Variants in SRPK2 observed in about 807,000 individuals in gnomAD.
SRPK2 encodes SRSF protein kinase 2, also known as SFRS protein kinase 2.
In SRPK2, 21 loss-of-function variants were observed where a neutral mutation model predicts 90.8. That is an observed-to-expected ratio of 0.23 (90% CI 0.16 to 0.33). The LOEUF is 0.33. SRPK2 is among the 10% of genes least tolerant of loss of function. The pLI is 1.00. For synonymous variants in SRPK2, 288 were observed against 311.1 expected, an observed-to-expected ratio of 0.93 and a Z score of 0.78; for missense variants, 620 against 869.0, an observed-to-expected ratio of 0.71 and a Z score of 3.60.
At chr7:105,327,489 G>A (rs1397009231) in intron 2 of SRPK2, among the ~76,000 whole-genome samples, 2 of 152,168 alleles carry the variant, frequency 1.3e-5, no homozygotes, top group Non-Finnish European at 2.9e-5. Context: ...CCTCTGGCCA[G>A]CATCCTGACC....
intron 2 of SRPK2, among the ~76,000 whole-genome samples, chr7:105,314,891 G>C (rs149178148): frequency 1.1e-4 from 17 of 152,268 alleles, no homozygotes; most frequent in Non-Finnish European, 1.9e-4. Context: ...AGTATATGTA[G>C]GAGAACAGGA....
At chr7:105,289,100 CAA>C (rs57131530) in intron 2 of SRPK2, among the ~76,000 whole-genome samples, 322 of 86,632 alleles carry the variant, frequency 3.7e-3, no homozygotes, top group African/African-American at 0.013. Flanking sequence ...ACTTAAAGCA[CAA>C]AAAAAAAAAA....
chr7:105,149,362 T>C (rs1461592786), intron 7 of SRPK2, among the ~76,000 whole-genome samples: 1 of 152,202 alleles, frequency 6.6e-6, no homozygotes, highest in Admixed American at 6.5e-5. Context: ...TCATAGTACC[T>C]TCCCTTGAAC....
rs116936176 is a variant in SRPK2 at position 105,121,474 on chromosome 7, A to G, written c.1916-3452T>C. Among the ~76,000 whole-genome samples, 459 of 152,288 alleles carry G rather than the reference A, an allele frequency of 3.0e-3. 1 individual carries two copies. The highest frequency in any genetic ancestry group is 0.01 in the Middle Eastern group (3 of 294). Reference sequence around the variant, plus strand: ...CAACTGTGACAATTTTAGTTTCTTAAAGTTCCATTTCTAGCCTGTCCTCCT... The same window carrying G: ...CAACTGTGACAATTTTAGTTTCTTAGAGTTCCATTTCTAGCCTGTCCTCCT... On this transcript the variant is annotated intron_variant, in intron 15 of 15. Coordinates refer to ENST00000393651, the MANE Select transcript of SRPK2 (RefSeq NM_182692.3).
chr7:105,235,874 T>C (rs1416801281), intron 2 of SRPK2, among the ~76,000 whole-genome samples: 2 of 152,218 alleles, frequency 1.3e-5, no homozygotes, highest in African/African-American at 4.8e-5. Flanking sequence ...ATGAGAGATG[T>C]TGCACAGCAC....
At chr7:105,395,295 G>C (rs1187104321) in intron 1 of SRPK2, among the ~76,000 whole-genome samples, 2 of 151,906 alleles carry the variant, frequency 1.3e-5, no homozygotes, top group Non-Finnish European at 1.5e-5. Flanking sequence ...TTCAAGACTA[G>C]CCTGGGGAAC....
At chr7:105,300,197 G>A (rs144927345) in intron 2 of SRPK2, among the ~76,000 whole-genome samples, 84 of 141,544 alleles carry the variant, frequency 5.9e-4, no homozygotes, top group African/African-American at 2.0e-3. Context: ...AGGCTACAGT[G>A]AGCCAAGATC....
intron 2 of SRPK2, among the ~76,000 whole-genome samples, chr7:105,235,527 G>C (rs998026204): frequency 6.6e-6 from 1 of 152,156 alleles, no homozygotes; most frequent in Non-Finnish European, 1.5e-5. Context: ...CAAAGGAAGT[G>C]TTCCCCAAGT....
intron 6 of SRPK2, among the ~76,000 whole-genome samples, chr7:105,161,082 C>T (rs1002507081): frequency 6.6e-6 from 1 of 152,034 alleles, no homozygotes; most frequent in Non-Finnish European, 1.5e-5. Context: ...CCCGCCACCA[C>T]GCTCGGCTAA....
At chr7:105,291,827 GA>G (rs1464535288) in intron 2 of SRPK2, among the ~76,000 whole-genome samples, 1 of 152,096 alleles carries the variant, frequency 6.6e-6, no homozygotes, top group Non-Finnish European at 1.5e-5. Flanking sequence ...TGAATATAAA[GA>G]AAAAATATCT....
chr7:105,343,401 T>C (rs972165151), intron 2 of SRPK2, among the ~76,000 whole-genome samples: 2 of 151,842 alleles, frequency 1.3e-5, no homozygotes, highest in African/African-American at 4.8e-5. Context: ...ACCAATGTAC[T>C]CCAGCCTGGG....
At chr7:105,344,675 T>C (rs929955755) in intron 2 of SRPK2, among the ~76,000 whole-genome samples, 4 of 151,342 alleles carry the variant, frequency 2.6e-5, no homozygotes, top group African/African-American at 7.3e-5. Flanking sequence ...TGCAGACCCC[T>C]GCTCTACACT....
chr7:105,395,877 C>A (rs1822307369), intron 1 of SRPK2, among the ~76,000 whole-genome samples: 1 of 152,184 alleles, frequency 6.6e-6, no homozygotes, highest in South Asian at 2.1e-4. Flanking sequence ...TATCAATTAG[C>A]TTTACACATA....
intron 2 of SRPK2, among the ~76,000 whole-genome samples, chr7:105,300,306 T>C (rs1198482573): frequency 6.7e-6 from 1 of 149,886 alleles, no homozygotes; most frequent in Non-Finnish European, 1.5e-5. Context: ...TAGAACACTA[T>C]GTGCACATAG....
At chr7:105,214,478 T>G (rs1797210411) in intron 2 of SRPK2, among the ~76,000 whole-genome samples, 1 of 152,346 alleles carries the variant, frequency 6.6e-6, no homozygotes, top group South Asian at 2.1e-4. Flanking sequence ...ACACACACTC[T>G]GTGGCAATGT....
intron 2 of SRPK2, among the ~76,000 whole-genome samples, chr7:105,223,110 C>T (rs1798304566): frequency 6.6e-6 from 1 of 152,174 alleles, no homozygotes; most frequent in Admixed American, 6.5e-5. Flanking sequence ...AGCCCAGGGC[C>T]CCAGTCGAGG....
At chr7:105,378,568 T>C (rs1639715196) in intron 2 of SRPK2, among the ~76,000 whole-genome samples, 1 of 151,864 alleles carries the variant, frequency 6.6e-6, no homozygotes, top group Admixed American at 6.6e-5. Flanking sequence ...ATCAAGACCA[T>C]CCTGGCCAAC....
intron 11 of SRPK2, among the ~76,000 whole-genome samples, chr7:105,134,179 T>C (rs1802449512): frequency 1.3e-5 from 2 of 152,198 alleles, no homozygotes; most frequent in African/African-American, 4.8e-5. Context: ...TTCGGGTTTG[T>C]GTCCCTGCCC....
intron 2 of SRPK2, among the ~76,000 whole-genome samples, chr7:105,376,244 G>T (rs983275809): frequency 1.3e-5 from 2 of 151,592 alleles, no homozygotes; most frequent in Non-Finnish European, 2.9e-5. Flanking sequence ...TGATCCGCCC[G>T]CCTTGGCCTC....
Sources: allele counts gnomAD v4.1 joint callset (sites outside exome capture counted in the v4.1 genomes callset), GRCh38; gene constraint gnomAD v4.1.1; transcripts MANE v1.5; gene names NCBI Gene and HGNC (gene_info 2026-07-23, HGNC 2026-07-21).